Variants in CERS4 observed in about 807,000 individuals in gnomAD.
CERS4 encodes the protein LAG1 homolog, ceramide synthase 4.
In CERS4, 65 loss-of-function variants were observed where a neutral mutation model predicts 51.8. The ratio of observed to expected loss-of-function variants is 1.26; its 90% confidence interval spans 1.03 to 1.54. The LOEUF is 1.54. Among genes scored for constraint, CERS4 ranks in the 40% most tolerant of loss-of-function variants. The pLI, the probability that CERS4 is intolerant of heterozygous loss-of-function variation, is 0.00. For synonymous variants in CERS4, 228 were observed against 208.4 expected (o/e 1.09, Z -0.81); for missense variants, 563 against 500.4 (o/e 1.13, Z -1.19).
At chr19:8,257,644 G>A (rs988537529) in intron 9 of CERS4, among the ~76,000 whole-genome samples, 1 of 152,102 alleles carries the variant, frequency 6.6e-6, no homozygotes, top group African/African-American at 2.4e-5. Context: ...TGGCCAGGCT[G>A]GTCTCGAACT....
At chr19:8,233,639 T>C (rs1968112143) in intron 2 of CERS4, among the ~76,000 whole-genome samples, 1 of 152,078 alleles carries the variant, frequency 6.6e-6, no homozygotes, top group South Asian at 2.1e-4. Flanking sequence ...TTTTTTTAAC[T>C]CCATAATCCT....
intron 2 of CERS4, among the ~76,000 whole-genome samples, chr19:8,221,880 T>TTTG (rs1555772043): frequency 1.1e-5 from 1 of 94,322 alleles, no homozygotes; most frequent in African/African-American, 4.2e-5. Flanking sequence ...ATGTTTTTTT[T>TTTG]TTTTTTTTTT....
intron 2 of CERS4, among the ~76,000 whole-genome samples, chr19:8,233,849 C>G (rs1568511445): frequency 6.6e-6 from 1 of 151,518 alleles, no homozygotes; most frequent in Non-Finnish European, 1.5e-5. Flanking sequence ...CCTGTCTCTA[C>G]AAACAAACAA....
rs17159388 is a variant in CERS4, at chr19:8,255,671, G to A, written c.356G>A (p.Arg119Gln). Residue 119 changes from arginine to glutamine, a missense_variant, in exon 5 of 12, where the codon CGG becomes CAG. Transcript: ENST00000251363. ...CTGCAGCAGACCCAGCGATGGTTCCGGAGACGCCGGAACCAGGATCGACCC... is the reference window on the plus strand; with the variant it reads ...CTGCAGCAGACCCAGCGATGGTTCCAGAGACGCCGGAACCAGGATCGACCC... ...LTLQQTQRWF[R>Q]RRRNQDRPQL... 0.033 allele frequency: 53,402 copies of A among 1,612,880 alleles called. 2,332 individuals are homozygous for A. Among genetic ancestry groups the A allele is most frequent in the African/African-American group, 0.18 (13,256 of 74,940 alleles).
intron 2 of CERS4, among the ~76,000 whole-genome samples, chr19:8,215,276 C>T (rs992148576): frequency 1.3e-5 from 2 of 151,956 alleles, no homozygotes; most frequent in Non-Finnish European, 2.9e-5. Flanking sequence ...GTCAAGAGTT[C>T]GAGACCAGCG....
At chr19:8,221,731 C>T (rs1967551634) in intron 2 of CERS4, among the ~76,000 whole-genome samples, 1 of 151,048 alleles carries the variant, frequency 6.6e-6, no homozygotes, top group African/African-American at 2.4e-5. Flanking sequence ...GACGAGGCTT[C>T]ACCATGCTGA....
At chr19:8,252,643 T>C (rs1969148754) in intron 3 of CERS4, among the ~76,000 whole-genome samples, 1 of 152,192 alleles carries the variant, frequency 6.6e-6, no homozygotes. Flanking sequence ...TTTGCCATGT[T>C]GGCCAGACTA....
chr19:8,251,533 C>T (rs1411218333), intron 3 of CERS4, among the ~76,000 whole-genome samples: 1 of 152,174 alleles, frequency 6.6e-6, no homozygotes, highest in East Asian at 1.9e-4. Flanking sequence ...GATGGGAGGC[C>T]GGGCACGGTG....
At chr19:8,256,155 A>G in intron 6 of CERS4, 81 bp from the exon 7 acceptor site, 1 of 1,419,454 alleles carries the variant, frequency 7.0e-7, no homozygotes, top group Non-Finnish European at 9.7e-7. Context: ...TGACTGTGGA[A>G]GGAGAACCAA....
intron 10 of CERS4, among the ~76,000 whole-genome samples, chr19:8,260,232 T>C (rs1193105594): frequency 1.3e-5 from 2 of 151,916 alleles, no homozygotes; most frequent in Non-Finnish European, 2.9e-5. Flanking sequence ...TCTTGCTCTG[T>C]CACCTAGACT....
At chr19:8,238,300 T>TG (rs1968364856) in intron 2 of CERS4, among the ~76,000 whole-genome samples, 1 of 151,916 alleles carries the variant, frequency 6.6e-6, no homozygotes, top group African/African-American at 2.4e-5. Context: ...GGGAGGGGTA[T>TG]TGGCTGGGGA....
chr19:8,261,541 A>T, intron 10 of CERS4, 147 bp from the exon 11 acceptor site: 1 of 891,156 alleles, frequency 1.1e-6, no homozygotes, highest in Non-Finnish European at 1.8e-6. Flanking sequence ...TGCCCAGCTC[A>T]AGAGTGTTAG....
intron 2 of CERS4, among the ~76,000 whole-genome samples, chr19:8,225,324 A>G (rs1404996496): frequency 4.6e-5 from 7 of 152,102 alleles, no homozygotes; most frequent in Non-Finnish European, 2.9e-5. Context: ...ACTGATGGCC[A>G]AAAGCCAAAG....
intron 10 of CERS4, among the ~76,000 whole-genome samples, chr19:8,258,365 C>G (rs1969506405): frequency 6.6e-6 from 1 of 152,162 alleles, no homozygotes; most frequent in Non-Finnish European, 1.5e-5. Context: ...GTAAGTGAGG[C>G]AGCCACGTGA....
intron 9 of CERS4, 137 bp from the exon 10 acceptor site, chr19:8,257,742 C>T: frequency 1.5e-6 from 1 of 679,000 alleles, no homozygotes; most frequent in South Asian, 1.7e-5. Context: ...TATTCACACT[C>T]TTTACCTTTC....
intron 2 of CERS4, among the ~76,000 whole-genome samples, chr19:8,223,981 A>G (rs1277460571): frequency 6.6e-6 from 1 of 151,256 alleles, no homozygotes; most frequent in Non-Finnish European, 1.5e-5. Flanking sequence ...GCGTGTCTGT[A>G]GTCCCAGATA....
chr19:8,259,004 C>T (rs141727850), intron 10 of CERS4, among the ~76,000 whole-genome samples: 138 of 151,898 alleles, frequency 9.1e-4, no homozygotes, highest in Non-Finnish European at 1.6e-3. Flanking sequence ...CATGGTGGCA[C>T]ACGCCCGTAA....
intron 2 of CERS4, among the ~76,000 whole-genome samples, chr19:8,229,884 CTGT>C (rs796298994): frequency 2.0e-5 from 3 of 151,814 alleles, no homozygotes; most frequent in African/African-American, 4.8e-5. Flanking sequence ...TTGTTATTTG[CTGT>C]TGTTGTTGTT....
intron 10 of CERS4, 43 bp downstream of exon 10, chr19:8,258,028 T>A (rs776322951): frequency 6.9e-7 from 1 of 1,442,094 alleles, no homozygotes; most frequent in Non-Finnish European, 9.8e-7. Context: ...TGGGAGGGCG[T>A]GTCTGAGATT....
Sources: gnomAD v4.1 joint callset for allele counts (sites outside exome capture counted in the v4.1 genomes callset) on GRCh38, gnomAD v4.1.1 for gene constraint, MANE v1.5 for transcripts, NCBI Gene and HGNC (gene_info 2026-07-23, HGNC 2026-07-21) for gene names.